Variants in HESX1 observed in about 807,000 individuals in gnomAD.
HESX1 encodes HESX homeobox 1.
A neutral mutation model predicts 22.5 loss-of-function variants in HESX1; 11 were observed. That is an observed-to-expected ratio of 0.49 (90% CI 0.31 to 0.81). The LOEUF (loss-of-function observed/expected upper bound fraction) is 0.81. Among genes scored for constraint, HESX1 ranks in the 30% least tolerant of loss-of-function variants. The pLI is 0.05. For missense variants in HESX1, 201 were observed against 212.6 expected, an observed-to-expected ratio of 0.95 and a Z score of 0.34; for synonymous variants, 74 against 76.5, an observed-to-expected ratio of 0.97 and a Z score of 0.17.
upstream of HESX1, among the ~76,000 whole-genome samples, chr3:57,204,168 T>C (rs547789211): frequency 1.3e-5 from 2 of 152,294 alleles, no homozygotes; most frequent in South Asian, 2.1e-4. Flanking sequence ...ACTGAAGTTT[T>C]TTCTTTTCTT....
intron 1 of HESX1, among the ~76,000 whole-genome samples, chr3:57,215,007 A>G (rs1011856172): frequency 6.6e-6 from 1 of 152,210 alleles, no homozygotes; most frequent in Non-Finnish European, 1.5e-5. Context: ...ATTAAGACAA[A>G]GTTCCCAGAA....
intron 1 of HESX1, among the ~76,000 whole-genome samples, chr3:57,206,199 A>AAAAAC (rs796987501): frequency 1.4e-4 from 22 of 152,348 alleles, no homozygotes; most frequent in East Asian, 7.7e-4. Flanking sequence ...TCAAAAAAAC[A>AAAAAC]AAAACAAAAC....
chr3:57,210,018 C>A (rs1047727571), intron 1 of HESX1, among the ~76,000 whole-genome samples: 1 of 152,164 alleles, frequency 6.6e-6, no homozygotes, highest in Non-Finnish European at 1.5e-5. Flanking sequence ...GTCTCCAAAT[C>A]CTGTTTTATT....
Position 57,198,785 on chromosome 3 carries a change from G to A in HESX1, c.325C>T (p.Arg109Ter), listed in dbSNP as rs751011809. 6 of 1,613,844 alleles carry A rather than the reference G, an allele frequency of 3.7e-6. No homozygotes were observed. Among genetic ancestry groups the A allele is most frequent in the African/African-American group, 2.7e-5 (2 of 74,854 alleles). Residue 109 changes from arginine (R) to a stop codon, truncating the protein, a stop_gained, in exon 2 of 4, where the codon CGA becomes TGA. Coordinates refer to ENST00000295934, the MANE Select transcript of HESX1 (RefSeq NM_003865.3). LOFTEE classifies it high-confidence loss of function. ...LKRELSWYRG[R>*]RPRTAFTQNQ... The stretch of plus-strand genomic sequence containing the variant: ...TGAGTAAAAGCAGTTCTTGGTCTTC[G>A]GCCTCTATACCAACTCAACTCTCTT...
At chr3:57,224,445 T>TA (rs1292798807) in intron 1 of HESX1, among the ~76,000 whole-genome samples, 2 of 152,180 alleles carry the variant, frequency 1.3e-5, no homozygotes, top group Non-Finnish European at 2.9e-5. Flanking sequence ...CCTGACTCTT[T>TA]AAAAATTTTT....
At chr3:57,210,017 T>C (rs1310160817) in intron 1 of HESX1, among the ~76,000 whole-genome samples, 1 of 152,216 alleles carries the variant, frequency 6.6e-6, no homozygotes, top group East Asian at 1.9e-4. Context: ...TGTCTCCAAA[T>C]CCTGTTTTAT....
chr3:57,200,735 CTACT>C (rs1189227076), upstream of HESX1, among the ~76,000 whole-genome samples: 2 of 152,154 alleles, frequency 1.3e-5, no homozygotes, highest in Non-Finnish European at 2.9e-5. Context: ...AGAAGCATGA[CTACT>C]TAAAGTGAAT....
rs112361009 is a variant in HESX1 at position 57,212,097 on chromosome 3, T to C, written c.-110-12069A>G. 1.3e-3 allele frequency among the ~76,000 whole-genome samples: 191 copies of C among 152,310 alleles called. 1 individual carries two copies. The highest frequency in any genetic ancestry group is 4.4e-3 in the African/African-American group (183 of 41,566). Reference sequence around the variant, plus strand: ...CATTTGGTTTATAACAATTAAAAAGTATTTCAGCCTTTGCTCTTCTCAAAT... The same window carrying C: ...CATTTGGTTTATAACAATTAAAAAGCATTTCAGCCTTTGCTCTTCTCAAAT... On this transcript the variant is annotated intron_variant, in intron 1 of 2. Transcript: ENST00000495160.
intron 1 of HESX1, among the ~76,000 whole-genome samples, chr3:57,206,081 C>T (rs2060518151): frequency 6.6e-6 from 1 of 152,162 alleles, no homozygotes; most frequent in Non-Finnish European, 1.5e-5. Context: ...ATCCCAGCTA[C>T]TGGGGCAGCT....
intron 1 of HESX1, among the ~76,000 whole-genome samples, chr3:57,218,264 C>T (rs1239069508): frequency 1.3e-5 from 2 of 151,944 alleles, no homozygotes; most frequent in Non-Finnish European, 2.9e-5. Context: ...TTCTTACCTC[C>T]ACCCTCAAGC....
At chr3:57,211,527 CAAAAAAAAAA>C (rs61137408) in intron 1 of HESX1, among the ~76,000 whole-genome samples, 877 of 31,994 alleles carry the variant, frequency 0.027, 19 homozygotes, top group Non-Finnish European at 0.032. Flanking sequence ...GAGACCTTGT[CAAAAAAAAAA>C]AAAAAAAAAA....
intron 1 of HESX1, among the ~76,000 whole-genome samples, chr3:57,225,382 C>G (rs765659467): frequency 3.3e-5 from 5 of 152,084 alleles, no homozygotes; most frequent in Non-Finnish European, 5.9e-5. Context: ...GACAGAGTTT[C>G]GCTCTGTCGC....
chr3:57,213,117 CACT>C (rs2060565280), intron 1 of HESX1, among the ~76,000 whole-genome samples: 1 of 152,074 alleles, frequency 6.6e-6, no homozygotes, highest in Admixed American at 6.6e-5. Context: ...ACCTGCTTGG[CACT>C]ACAAGTGGAT....
chr3:57,198,648 T>C (rs1042803038), intron 2 of HESX1, 105 bp downstream of exon 2: 6 of 1,133,592 alleles, frequency 5.3e-6, no homozygotes, highest in African/African-American at 1.5e-5. Flanking sequence ...TACTGTTTCA[T>C]TAATAAGGCT....
rs1187637436 is a variant in HESX1, at chr3:57,208,372, GAT to G, written c.-110-8346_-110-8345del. Among the ~76,000 whole-genome samples the G allele has an allele frequency of 4.6e-5, 7 of 152,034 alleles. No homozygotes were observed. In the East Asian group the frequency reaches 1.2e-3, roughly 25 times the overall value. On this transcript the variant is annotated intron_variant, in intron 1 of 2. Coordinates refer to the HESX1 transcript ENST00000495160. Reference sequence around the variant, plus strand: ...CTTGATTGATTGATTGATTGATTGAGATGGAGTCTCGCTCTGTTTCCCAGGCT... The same window carrying G: ...CTTGATTGATTGATTGATTGATTGAGGGAGTCTCGCTCTGTTTCCCAGGCT...
intron 1 of HESX1, among the ~76,000 whole-genome samples, chr3:57,218,401 A>G (rs996073422): frequency 2.7e-5 from 4 of 147,406 alleles, no homozygotes; most frequent in African/African-American, 1.0e-4. Flanking sequence ...ATGATGGCCT[A>G]CAGCTCTATC....
chr3:57,222,209 T>C (rs1285226735), intron 1 of HESX1, among the ~76,000 whole-genome samples: 1 of 152,216 alleles, frequency 6.6e-6, no homozygotes, highest in Non-Finnish European at 1.5e-5. Context: ...TCTATGGCTC[T>C]GAAAATATTA....
chr3:57,222,052 C>G (rs185068847), intron 1 of HESX1, among the ~76,000 whole-genome samples: 296 of 152,172 alleles, frequency 1.9e-3, no homozygotes, highest in African/African-American at 6.8e-3. Context: ...GACAGCTGTT[C>G]CCTGAGGTAG....
At chr3:57,216,657 C>T (rs2060584537) in intron 1 of HESX1, among the ~76,000 whole-genome samples, 1 of 152,100 alleles carries the variant, frequency 6.6e-6, no homozygotes, top group African/African-American at 2.4e-5. Context: ...TGACTAGGTT[C>T]AGGTTGAGCA....
Sources: allele counts gnomAD v4.1 joint callset (sites outside exome capture counted in the v4.1 genomes callset), GRCh38; gene constraint gnomAD v4.1.1; transcripts MANE v1.5; gene names NCBI Gene and HGNC (gene_info 2026-07-23, HGNC 2026-07-21).